CFAP46: variants seen among roughly 807,000 people sequenced by gnomAD.
The protein encoded by CFAP46 is cilia- and flagella-associated protein 46.
A neutral mutation model predicts 325.7 loss-of-function variants in CFAP46; 245 were observed. The observed-to-expected ratio is 0.75, with a 90% confidence interval of 0.68 to 0.84. The LOEUF (loss-of-function observed/expected upper bound fraction) is 0.84, where lower values mean the gene tolerates loss of function less well. Among genes scored for constraint, CFAP46 ranks in the 40% least tolerant of loss-of-function variants. CFAP46 has a pLI of 0.00. For synonymous variants in CFAP46, 1,523 were observed against 1,495.9 expected (o/e 1.02, Z -0.42); for missense variants, 3,346 against 3,543.0 (o/e 0.94, Z 1.41).
intron 57 of CFAP46, among the ~76,000 whole-genome samples, chr10:132,809,892 G>A (rs906713354): frequency 4.6e-5 from 7 of 152,228 alleles, no homozygotes; most frequent in Admixed American, 2.6e-4. Flanking sequence ...TCTCCAGGAC[G>A]CCAATGGGAG....
chr10:132,814,180 C>T lies in CFAP46; in HGVS notation c.7360G>A (p.Gly2454Arg), dbSNP rs570758810. 19 of 1,613,886 alleles carry T rather than the reference C, an allele frequency of 1.2e-5. No individual in the cohort carries two copies. The East Asian group carries it at 4.2e-4, about 36-fold the overall frequency. ...GGAAAGTGCTTGCTTCCCAGATGTCCCGCCCATCGCGACGTGAATGTGTCT... is the reference window on the plus strand; with the variant it reads ...GGAAAGTGCTTGCTTCCCAGATGTCTCGCCCATCGCGACGTGAATGTGTCT... ...FQDTFTSRWA[G>R]HLGSKHFPSQ... The change falls in exon 54 of 58, where the codon GGA becomes AGA. Residue 2454 changes from glycine (G) to arginine (R), a missense_variant. Coordinates refer to ENST00000368586, the MANE Select transcript of CFAP46 (RefSeq NM_001200049.3).
intron 10 of CFAP46, among the ~76,000 whole-genome samples, chr10:132,926,307 G>A (rs1239226517): frequency 6.6e-6 from 1 of 152,204 alleles, no homozygotes; most frequent in Non-Finnish European, 1.5e-5. Context: ...TGCAGGAGGA[G>A]GGTCAGAGGG....
At chr10:132,851,035 G>A (rs922107768) in intron 40 of CFAP46, 82 bp downstream of exon 40, 1 of 1,540,702 alleles carries the variant, frequency 6.5e-7, no homozygotes, top group Non-Finnish European at 8.9e-7. Context: ...GGTGGAGACG[G>A]CTCCTGCTGG....
chr10:132,814,102 C>T lies in CFAP46; in HGVS notation c.7388+50G>A, dbSNP rs370957426. Reference sequence around the variant, plus strand: ...TAGGGGGCAGTGGCTCCCCGCTGGACCCCCAGACCTGCCACACTGCAAACG... The same window carrying T: ...TAGGGGGCAGTGGCTCCCCGCTGGATCCCCAGACCTGCCACACTGCAAACG... On this transcript the variant is annotated intron_variant, in intron 54 of 57. Coordinates refer to ENST00000368586, the MANE Select transcript of CFAP46 (RefSeq NM_001200049.3). 4.0e-6 allele frequency: 6 copies of T among 1,491,048 alleles called. No homozygotes were observed. In the African/African-American group the frequency reaches 6.9e-5, roughly 17 times the overall value. The allele number at this position is 1,491,048 out of a possible 1,614,324, so 92.4% of individuals were successfully genotyped here. A position where few individuals can be genotyped will look rare whatever the true frequency, so the allele number is the denominator to read the frequency against.
At chr10:132,938,786 C>G (rs1277373104) in intron 4 of CFAP46, 33 bp from the exon 5 acceptor site, 1 of 1,594,860 alleles carries the variant, frequency 6.3e-7, no homozygotes, top group Non-Finnish European at 8.5e-7. Flanking sequence ...AGAGAGCACG[C>G]TCAAAGCCCA....
At chr10:132,898,433 G>A in intron 24 of CFAP46, 2 of 258,508 alleles carry the variant, frequency 7.7e-6, no homozygotes, top group Admixed American at 5.1e-5. Flanking sequence ...AGAAGGAGGT[G>A]CACTCTTGGG....
intron 44 of CFAP46, 133 bp downstream of exon 44, chr10:132,845,924 A>C: frequency 4.1e-6 from 4 of 971,374 alleles, no homozygotes; most frequent in Non-Finnish European, 4.5e-6. Context: ...GGCTGGGGGC[A>C]CGGGGAGGGA....
chr10:132,872,749 C>T lies in CFAP46; in HGVS notation c.4438G>A (p.Val1480Ile), dbSNP rs146603594. 1,019 of 1,550,926 alleles carry T rather than the reference C, an allele frequency of 6.6e-4. 2 individuals are homozygous for T. Among genetic ancestry groups the T allele is most frequent in the African/African-American group, 5.2e-3 (382 of 73,188 alleles). ...GAAATCAGCACCCCCAACTGCAGGA[C>T]GGGAACCGTGAGTTCGTGCAGGCAC... is the stretch of plus-strand genomic sequence containing the variant. ...KMCLHELTVPVLQLGVLISDS... is the reference protein window; with the variant it reads ...KMCLHELTVPILQLGVLISDS... Residue 1480 changes from valine (V) to isoleucine (I), a missense_variant, in exon 32 of 58, where the codon GTC becomes ATC. Coordinates refer to ENST00000368586, the MANE Select transcript of CFAP46 (RefSeq NM_001200049.3).
At chr10:132,898,838 C>T (rs1479001491) in intron 24 of CFAP46, 121 bp downstream of exon 24, 2 of 1,328,426 alleles carry the variant, frequency 1.5e-6, no homozygotes, top group Non-Finnish European at 2.1e-6. Flanking sequence ...TCGGCTGGTG[C>T]TGGTGCACCC....
At chr10:132,920,407 A>C (rs1849705492) in intron 13 of CFAP46, among the ~76,000 whole-genome samples, 1 of 152,108 alleles carries the variant, frequency 6.6e-6, no homozygotes, top group Non-Finnish European at 1.5e-5. Context: ...TGCTCCTCTG[A>C]GTGGGGGAGG....
At chr10:132,885,742 G>A (rs1849115124) in intron 26 of CFAP46, 79 bp downstream of exon 26, 2 of 1,454,924 alleles carry the variant, frequency 1.4e-6, no homozygotes, top group African/African-American at 1.4e-5. Flanking sequence ...CACAGGCGGT[G>A]TGGGGAGCAC....
In CFAP46 at chr10:132,877,769, G is replaced by A. The variant is rs1034713630; in HGVS notation, c.4212+112C>T. On this transcript the variant is annotated intron_variant, in intron 30 of 57. Coordinates refer to ENST00000368586, the MANE Select transcript of CFAP46 (RefSeq NM_001200049.3). The surrounding 1 kb of genome is among the most constrained non-coding windows in gnomAD (Gnocchi z 5.7). ...CTGAGGCACAGGCCATCCCGGGCCCGGCCTCTGCACTGAGGCCGCCTGGGG... is the reference window on the plus strand; with the variant it reads ...CTGAGGCACAGGCCATCCCGGGCCCAGCCTCTGCACTGAGGCCGCCTGGGG... 1.1e-4 allele frequency: 125 copies of A among 1,140,802 alleles called. No individual in the cohort carries two copies. Among genetic ancestry groups the A allele is most frequent in the African/African-American group, 2.2e-4 (14 of 62,946 alleles). The allele number at this position is 1,140,802 out of a possible 1,614,324, so 70.7% of individuals were successfully genotyped here.
chr10:132,917,679 C>T (rs967908340), intron 16 of CFAP46, among the ~76,000 whole-genome samples: 3 of 152,168 alleles, frequency 2.0e-5, no homozygotes, highest in African/African-American at 7.2e-5. Context: ...ATATTTTTCT[C>T]CTAGAAAATC....
intron 23 of CFAP46, 146 bp from the exon 24 acceptor site, chr10:132,899,267 T>C: frequency 9.7e-7 from 1 of 1,034,120 alleles, no homozygotes; most frequent in Non-Finnish European, 1.4e-6. Flanking sequence ...GAGTCCCTGC[T>C]GCATCCTTTC....
At chr10:132,938,286 A>G (rs1287289438) in intron 5 of CFAP46, among the ~76,000 whole-genome samples, 2 of 152,166 alleles carry the variant, frequency 1.3e-5, no homozygotes, top group Non-Finnish European at 2.9e-5. Context: ...AAGAACTAAG[A>G]TTGTAAAACC....
intron 55 of CFAP46, 144 bp from the exon 56 acceptor site, chr10:132,811,175 C>T (rs1847575049): frequency 7.0e-6 from 5 of 717,454 alleles, no homozygotes; most frequent in African/African-American, 3.5e-5. Flanking sequence ...ACCTCATGAC[C>T]GTCAGGTTTT....
At chr10:132,855,466 T>TG (rs1218303803) in intron 39 of CFAP46, among the ~76,000 whole-genome samples, 4 of 152,212 alleles carry the variant, frequency 2.6e-5, no homozygotes, top group Non-Finnish European at 5.9e-5. Flanking sequence ...TTTTGCTTTT[T>TG]TATATAATCT....
At chr10:132,814,805 G>A (rs1391222941) in intron 51 of CFAP46, 39 bp downstream of exon 51, 1 of 1,613,604 alleles carries the variant, frequency 6.2e-7, no homozygotes. Flanking sequence ...CTCCCGCTGT[G>A]CCCACCAGCC....
chr10:132,867,540 C>T, intron 33 of CFAP46, 33 bp from the exon 34 acceptor site: 2 of 1,540,806 alleles, frequency 1.3e-6, no homozygotes, highest in East Asian at 2.4e-5. Flanking sequence ...TACGCAAGAG[C>T]CACATGGCCA....
Sources: allele counts gnomAD v4.1 joint callset (sites outside exome capture counted in the v4.1 genomes callset), GRCh38; gene constraint gnomAD v4.1.1; non-coding constraint Gnocchi (gnomAD v3.1); transcripts MANE v1.5; gene names NCBI Gene and HGNC (gene_info 2026-07-23, HGNC 2026-07-21).